The following SLC25A23 variants were observed in gnomAD, a reference collection of about 807,000 sequenced individuals.
SLC25A23 encodes solute carrier family 25 member 23, also known as mitochondrial adenyl nucleotide antiporter SLC25A23.
In SLC25A23, 32 loss-of-function variants were observed where a neutral mutation model predicts 53.9. That is an observed-to-expected ratio of 0.59 (90% CI 0.45 to 0.80). The LOEUF is 0.80. Ranked by LOEUF, SLC25A23 falls within the 30% of genes least tolerant of loss-of-function variation. The pLI is 0.00. For synonymous variants in SLC25A23, 275 were observed against 264.5 expected (o/e 1.04, Z -0.38); for missense variants, 575 against 651.4 (o/e 0.88, Z 1.28).
chr19:6,438,677 G>C (rs2092366892), downstream of SLC25A23: 18 of 195,158 alleles, frequency 9.2e-5, no homozygotes, highest in South Asian at 9.6e-4. Context: ...GGGAATACCT[G>C]GTCTCTACTA....
At position 6,454,488 on chromosome 19, in the gene SLC25A23, A is replaced by G; in HGVS notation, c.643-13T>C. 1 of 1,613,898 alleles carries G rather than the reference A, an allele frequency of 6.2e-7. No individual in the cohort carries two copies. Among genetic ancestry groups the G allele is most frequent in the Non-Finnish European group, 8.5e-7 (1 of 1,179,984 alleles). On this transcript the variant is annotated splice_polypyrimidine_tract_variant and intron_variant, in intron 5 of 9. Coordinates refer to ENST00000301454, the MANE Select transcript of SLC25A23 (RefSeq NM_024103.3). The surrounding 1 kb of genome is among the most constrained non-coding windows in gnomAD (Gnocchi z 4.3). The stretch of plus-strand genomic sequence containing the variant: ...TTGAGGCATGGACCTGAATGGGGAG[A>G]CAACAGCTTGGAGGTCCCCTCCCAG...
intron 8 of SLC25A23, among the ~76,000 whole-genome samples, chr19:6,450,822 G>A (rs746557570): frequency 1.3e-4 from 20 of 152,164 alleles, no homozygotes; most frequent in Non-Finnish European, 2.5e-4. Context: ...GCTCACACCT[G>A]TCATCCTAGC....
rs2092403081 is a variant in SLC25A23 at position 6,440,396 on chromosome 19, G to T, written c.*1579C>A. ...GCATCATTGGGTGCTTGGGTTTAGG[G>T]AAGGGTGGTCTTTGCCGATTTTCTC... On this transcript the variant is annotated 3_prime_UTR_variant, in exon 10 of 10. Coordinates refer to ENST00000301454, the MANE Select transcript of SLC25A23 (RefSeq NM_024103.3). 6.6e-6 allele frequency: 1 copy of T among 152,244 alleles called. No homozygotes were observed. The highest frequency in any genetic ancestry group is 1.5e-5 in the Non-Finnish European group (1 of 67,980). The allele number at this position is 152,244 out of a possible 1,614,324, so 9.4% of individuals were successfully genotyped here. A position where few individuals can be genotyped will look rare whatever the true frequency, so the allele number is the denominator to read the frequency against.
chr19:6,436,906 T>C (rs1010359226), downstream of SLC25A23, among the ~76,000 whole-genome samples: 2 of 152,132 alleles, frequency 1.3e-5, no homozygotes, highest in African/African-American at 4.8e-5. Context: ...TGGAGTGCAA[T>C]GGACCAATCT....
Position 6,459,508 on chromosome 19 carries a change from G to A in SLC25A23, c.121C>T (p.Leu41=), listed in dbSNP as rs749316451. The A allele has an allele frequency of 1.3e-6, 2 of 1,595,496 alleles. No homozygotes were observed. Among genetic ancestry groups the A allele is most frequent in the South Asian group, 2.2e-5 (2 of 90,100 alleles). Residue 41 remains leucine, a synonymous_variant, in exon 1 of 10, where the codon CTG becomes TTG. Coordinates refer to ENST00000301454, the MANE Select transcript of SLC25A23 (RefSeq NM_024103.3). The surrounding 1 kb of genome is among the most constrained non-coding windows in gnomAD (Gnocchi z 4.6). The stretch of plus-strand genomic sequence containing the variant: ...CCGGGGTCTGGGTTGCCCCCGCCCA[G>A]CCTGGCCAGCCCCTGGCGCAACTCG... ...VHELRQGLAR[L]GGGNPDPGAQ...
chr19:6,456,202 G>A lies in SLC25A23; in HGVS notation c.483+218C>T, dbSNP rs545774874. The A allele has an allele frequency of 1.4e-5, 17 of 1,188,910 alleles. No homozygotes were observed. In the South Asian group the frequency reaches 2.6e-4, roughly 18 times the overall value. The allele number at this position is 1,188,910 out of a possible 1,614,324, so 73.6% of individuals were successfully genotyped here. On this transcript the variant is annotated intron_variant, in intron 4 of 9. Transcript: ENST00000301454. The stretch of plus-strand genomic sequence containing the variant: ...CAGAGGCCCCGATGTAAGTCTCAAG[G>A]GCTGCGCTTCAATCAGACAGCAGAG...
At chr19:6,451,166 A>G (rs1217776743) in intron 8 of SLC25A23, among the ~76,000 whole-genome samples, 1 of 151,548 alleles carries the variant, frequency 6.6e-6, no homozygotes, top group Non-Finnish European at 1.5e-5. Context: ...AGGCGGGTGG[A>G]TCACTTAAGG....
intron 7 of SLC25A23, among the ~76,000 whole-genome samples, chr19:6,453,489 C>T (rs939663082): frequency 2.6e-5 from 4 of 152,114 alleles, no homozygotes; most frequent in Non-Finnish European, 5.9e-5. Context: ...ATCCACCTGC[C>T]TCGGCCTCCC....
At position 6,449,883 on chromosome 19, in the gene SLC25A23, A is replaced by G. The variant is rs1307494145; in HGVS notation, c.1071+2429T>C. Among the ~76,000 whole-genome samples, 3 of 118,820 alleles carry G rather than the reference A, an allele frequency of 2.5e-5. No individual in the cohort carries two copies. The East Asian group carries it at 7.5e-4, about 30-fold the overall frequency. 78.0% of individuals were successfully genotyped at this position (118,820 alleles called of 152,430 possible). ...TTTTTTTTTTTTTTTTTTTTTTGAGATGGAGTTTCACTCTGTCACCTGTGC... is the reference window on the plus strand; with the variant it reads ...TTTTTTTTTTTTTTTTTTTTTTGAGGTGGAGTTTCACTCTGTCACCTGTGC... On this transcript the variant is annotated intron_variant, in intron 8 of 9. Coordinates refer to ENST00000301454, the MANE Select transcript of SLC25A23 (RefSeq NM_024103.3).
chr19:6,438,751 A>C (rs934652314), downstream of SLC25A23: 2 of 320,890 alleles, frequency 6.2e-6, no homozygotes, highest in Non-Finnish European at 1.3e-5. Context: ...CTGGAGGCTG[A>C]GGCAGGAGAA....
At position 6,458,239 on chromosome 19, in the gene SLC25A23, C is replaced by T. The variant is rs140844848; in HGVS notation, c.242G>A (p.Arg81His). Residue 81 changes from arginine to histidine, a missense_variant, in exon 2 of 10, where the codon CGT becomes CAT. Transcript: ENST00000301454. Reference sequence around the variant, plus strand: ...AAGACTGTGAAACATGAGCAGCAGACGCTGTTCCCGCTCCTGCAGATAGCG... The same window carrying T: ...AAGACTGTGAAACATGAGCAGCAGATGCTGTTCCCGCTCCTGCAGATAGCG... Reference protein sequence around the residue: ...FSRYLQEREQRLLLMFHSLDR... With the variant: ...FSRYLQEREQHLLLMFHSLDR... The T allele has an allele frequency of 4.7e-5, 76 of 1,613,682 alleles. No homozygotes were observed. The Middle Eastern group carries it at 4.9e-4, about 11-fold the overall frequency.
chr19:6,436,257 T>A, downstream of SLC25A23: 1 of 343,696 alleles, frequency 2.9e-6, no homozygotes, highest in Non-Finnish European at 6.0e-6. Context: ...TATAAGAGTC[T>A]AAGATTCAGG....
downstream of SLC25A23, chr19:6,436,560 T>TC (rs1238610216): frequency 1.2e-5 from 5 of 416,368 alleles, no homozygotes; most frequent in African/African-American, 1.1e-4. Context: ...TTTTTTTTTT[T>TC]TTCTTTGAGA....
At chr19:6,448,711 C>T (rs2092543175) in intron 8 of SLC25A23, among the ~76,000 whole-genome samples, 1 of 151,560 alleles carries the variant, frequency 6.6e-6, no homozygotes, top group African/African-American at 2.4e-5. Flanking sequence ...TCTTGTGATC[C>T]ACCCCCCTCA....
chr19:6,448,690 T>C (rs348343), intron 8 of SLC25A23, among the ~76,000 whole-genome samples: 9 of 151,794 alleles, frequency 5.9e-5, no homozygotes, highest in Non-Finnish European at 8.8e-5. Context: ...AGGATGGTCT[T>C]GATCTCTTGA....
Position 6,459,264 on chromosome 19 carries a change from C to T in SLC25A23, c.156+209G>A, listed in dbSNP as rs1243622582. ...CAGCAGGGGGATCGGGTGTTGGCCGCGGAACTGCAGGCTTGGGGCCTCGGC... is the reference window on the plus strand; with the variant it reads ...CAGCAGGGGGATCGGGTGTTGGCCGTGGAACTGCAGGCTTGGGGCCTCGGC... On this transcript the variant is annotated intron_variant, in intron 1 of 9. Coordinates refer to ENST00000301454, the MANE Select transcript of SLC25A23 (RefSeq NM_024103.3). The surrounding 1 kb of genome is among the most constrained non-coding windows in gnomAD (Gnocchi z 4.6). Among the ~76,000 whole-genome samples, 1 of 152,114 alleles carries T rather than the reference C, an allele frequency of 6.6e-6. No individual in the cohort carries two copies. Among genetic ancestry groups the T allele is most frequent in the African/African-American group, 2.4e-5 (1 of 41,418 alleles).
chr19:6,444,445 C>T (rs1301211888), intron 8 of SLC25A23, 144 bp from the exon 9 acceptor site: 1 of 807,972 alleles, frequency 1.2e-6, no homozygotes, highest in African/African-American at 1.7e-5. Context: ...CCAGCCCTTT[C>T]CCTGCGTCCC....
chr19:6,441,767 G>A lies in SLC25A23; in HGVS notation c.*208C>T. 1 of 583,796 alleles carries A rather than the reference G, an allele frequency of 1.7e-6. No homozygotes were observed. Among genetic ancestry groups the A allele is most frequent in the Non-Finnish European group, 3.1e-6 (1 of 327,716 alleles). 36.2% of individuals were successfully genotyped at this position (583,796 alleles called of 1,614,324 possible). A position where few individuals can be genotyped will look rare whatever the true frequency, so the allele number is the denominator to read the frequency against. ...AGTGGCTGAAGGGTGGGGATCGCAT[G>A]ACCCAGTGGTTGGGGCATAGGAGTC... On this transcript the variant is annotated 3_prime_UTR_variant, in exon 10 of 10. Coordinates refer to ENST00000301454, the MANE Select transcript of SLC25A23 (RefSeq NM_024103.3).
At chr19:6,446,162 G>A (rs752585924) in intron 8 of SLC25A23, among the ~76,000 whole-genome samples, 3 of 152,114 alleles carry the variant, frequency 2.0e-5, no homozygotes, top group East Asian at 3.9e-4. Context: ...TCAGGAGTTC[G>A]AGACCAGCCT....
Sources: gnomAD v4.1 joint callset for allele counts (sites outside exome capture counted in the v4.1 genomes callset) on GRCh38, gnomAD v4.1.1 for gene constraint, Gnocchi (gnomAD v3.1) non-coding constraint, MANE v1.5 for transcripts, NCBI Gene and HGNC (gene_info 2026-07-23, HGNC 2026-07-21) for gene names.